Variants in BRINP3 observed in about 807,000 individuals in gnomAD.
BRINP3 encodes the protein BMP/retinoic acid-inducible neural-specific protein 3.
In BRINP3, 19 loss-of-function variants were observed where a neutral mutation model predicts 71.0. The ratio of observed to expected loss-of-function variants is 0.27; its 90% CI spans 0.19 to 0.39. The LOEUF (loss-of-function observed/expected upper bound fraction) is 0.39. Among genes scored for constraint, BRINP3 ranks in the 10% least tolerant of loss-of-function variants. The pLI is 1.00. For missense variants in BRINP3, 959 were observed against 940.8 expected (o/e 1.02, Z -0.25); for synonymous variants, 380 against 337.7 (o/e 1.13, Z -1.37).
chr1:190,326,966 T>A (rs1387724558), intron 2 of BRINP3, among the ~76,000 whole-genome samples: 2 of 149,846 alleles, frequency 1.3e-5, no homozygotes, highest in Non-Finnish European at 3.0e-5. Context: ...CAACCTTGAA[T>A]GTAAAAGGTC....
In BRINP3 at chr1:190,160,884, A is replaced by T; in HGVS notation, c.968T>A (p.Phe323Tyr). 1 of 1,588,888 alleles carries T rather than the reference A, an allele frequency of 6.3e-7. No individual in the cohort carries two copies. Among genetic ancestry groups the T allele is most frequent in the Non-Finnish European group, 8.6e-7 (1 of 1,167,818 alleles). The change falls in exon 7 of 8, where the codon TTC becomes TAC. Residue 323 changes from phenylalanine to tyrosine, a missense_variant. Physicochemically the swap from Phe to Tyr is conservative, Grantham distance 22. Transcript: ENST00000367462. ...YNSDFEESDE[F>Y]KLFMKRLPMN... ...AGGTAGCCTTTTCATAAATAACTTG[A>T]ATTCATCTGAAAAATGTCAAAATTC...
chr1:190,421,291 C>CATTATT (rs78369563), intron 2 of BRINP3, among the ~76,000 whole-genome samples: 34,319 of 131,792 alleles, frequency 0.26, 4,299 homozygotes, highest in East Asian at 0.38. Context: ...ACAAGATTCT[C>CATTATT]ATTATTATTA....
At chr1:190,189,587 T>G (rs2102567024) in intron 6 of BRINP3, among the ~76,000 whole-genome samples, 1 of 152,254 alleles carries the variant, frequency 6.6e-6, no homozygotes, top group East Asian at 1.9e-4. Flanking sequence ...TTTTTCAGTT[T>G]CAACATTTAT....
intron 6 of BRINP3, among the ~76,000 whole-genome samples, chr1:190,184,031 T>C (rs1275158299): frequency 6.6e-6 from 1 of 152,092 alleles, no homozygotes; most frequent in Non-Finnish European, 1.5e-5. Flanking sequence ...TTCTGGAGCA[T>C]GTACCATATA....
chr1:190,143,295 G>A (rs917312554), intron 7 of BRINP3, among the ~76,000 whole-genome samples: 1 of 152,034 alleles, frequency 6.6e-6, no homozygotes, highest in African/African-American at 2.4e-5. Flanking sequence ...ACTTCAGTTT[G>A]GTTAGGCCAA....
At chr1:190,341,967 A>C (rs1441969276) in intron 2 of BRINP3, among the ~76,000 whole-genome samples, 1 of 151,684 alleles carries the variant, frequency 6.6e-6, no homozygotes, top group East Asian at 2.0e-4. Flanking sequence ...AAGTGTCAGC[A>C]GGACTGAGTT....
At chr1:190,465,863 A>T (rs2102684615) in intron 1 of BRINP3, among the ~76,000 whole-genome samples, 1 of 152,030 alleles carries the variant, frequency 6.6e-6, no homozygotes, top group East Asian at 1.9e-4. Context: ...CCAAAACAGT[A>T]AAACAGAAGA....
At chr1:190,194,582 A>G (rs1654317623) in intron 6 of BRINP3, among the ~76,000 whole-genome samples, 2 of 152,126 alleles carry the variant, frequency 1.3e-5, no homozygotes, top group Non-Finnish European at 2.9e-5. Context: ...CAAAACGAAA[A>G]GCAGTAGTGA....
chr1:190,396,006 G>A (rs1671543553), intron 2 of BRINP3, among the ~76,000 whole-genome samples: 1 of 151,790 alleles, frequency 6.6e-6, no homozygotes, highest in Admixed American at 6.6e-5. Flanking sequence ...AGGAAGGAAG[G>A]AAGGAGGGAA....
At chr1:190,239,318 C>T (rs1658830018) in intron 4 of BRINP3, among the ~76,000 whole-genome samples, 1 of 151,948 alleles carries the variant, frequency 6.6e-6, no homozygotes, top group African/African-American at 2.4e-5. Flanking sequence ...GTATTCTGTC[C>T]ACAGAATACT....
intron 2 of BRINP3, among the ~76,000 whole-genome samples, chr1:190,406,554 C>A (rs1672296346): frequency 6.6e-6 from 1 of 152,074 alleles, no homozygotes; most frequent in Non-Finnish European, 1.5e-5. Context: ...CTTGATACAG[C>A]TTTTAGATGA....
Position 190,264,991 on chromosome 1 carries a change from A to G in BRINP3, c.492T>C (p.Asp164=), listed in dbSNP as rs756867562. 2 of 1,611,910 alleles carry G rather than the reference A, an allele frequency of 1.2e-6. No individual in the cohort carries two copies. Among genetic ancestry groups the G allele is most frequent in the Admixed American group, 1.7e-5 (1 of 59,524 alleles). ...RKLSKRAEGS[D]STTNSSSVTL... is the part of the protein sequence containing the mutation. Reference sequence around the variant, plus strand: ...TGACCGAAGAGCTATTGGTGGTGGAATCACTTCCTTCAGCTCGTTTGCTCA... The same window carrying G: ...TGACCGAAGAGCTATTGGTGGTGGAGTCACTTCCTTCAGCTCGTTTGCTCA... The change falls in exon 4 of 8, where the codon GAT becomes GAC. Residue 164 remains aspartate, a synonymous_variant. Transcript: ENST00000367462.
intron 7 of BRINP3, among the ~76,000 whole-genome samples, chr1:190,111,152 G>A (rs907897759): frequency 2.2e-5 from 3 of 139,468 alleles, no homozygotes; most frequent in East Asian, 2.1e-4. Flanking sequence ...CACTCCAGCC[G>A]GGAGCCTGGG....
At chr1:190,132,576 C>T (rs1442547908) in intron 7 of BRINP3, among the ~76,000 whole-genome samples, 2 of 151,928 alleles carry the variant, frequency 1.3e-5, no homozygotes, top group Admixed American at 6.6e-5. Flanking sequence ...ATGTTTAGCA[C>T]AAGGTTGACA....
intron 7 of BRINP3, among the ~76,000 whole-genome samples, chr1:190,132,464 G>A (rs1557994715): frequency 2.0e-5 from 3 of 151,950 alleles, no homozygotes; most frequent in Non-Finnish European, 4.4e-5. Flanking sequence ...TTATCAAATT[G>A]CATTTTAAGC....
At chr1:190,313,482 A>T (rs1264431802) in intron 2 of BRINP3, among the ~76,000 whole-genome samples, 1 of 152,032 alleles carries the variant, frequency 6.6e-6, no homozygotes. Flanking sequence ...AAGCCTCCCT[A>T]AGTATAGAGT....
chr1:190,114,362 T>G, intron 7 of BRINP3, among the ~76,000 whole-genome samples: 1 of 152,068 alleles, frequency 6.6e-6, no homozygotes, highest in East Asian at 1.9e-4. Flanking sequence ...TCTCAGGTAT[T>G]TATAATAATG....
At position 190,437,603 on chromosome 1, in the gene BRINP3, C is replaced by T. The variant is rs144606557; in HGVS notation, c.236+17052G>A. On this transcript the variant is annotated intron_variant, in intron 2 of 7. Coordinates refer to ENST00000367462, the MANE Select transcript of BRINP3 (RefSeq NM_199051.3). ...AGTCTCTGTTATGGTAATACACTCA[C>T]GTGCAGTGGTAAGAATAAAATCAGC... Among the ~76,000 whole-genome samples the T allele has an allele frequency of 3.7e-3, 564 of 151,862 alleles. 5 individuals carry two copies. Among genetic ancestry groups the T allele is most frequent in the African/African-American group, 0.013 (539 of 41,524 alleles).
intron 2 of BRINP3, among the ~76,000 whole-genome samples, chr1:190,286,387 A>G (rs1480536016): frequency 6.6e-6 from 1 of 152,178 alleles, no homozygotes; most frequent in Non-Finnish European, 1.5e-5. Context: ...TTAAATATAT[A>G]CAAATACACA....
Sources: allele counts gnomAD v4.1 joint callset (sites outside exome capture counted in the v4.1 genomes callset), GRCh38; gene constraint gnomAD v4.1.1; transcripts MANE v1.5; gene names NCBI Gene and HGNC (gene_info 2026-07-23, HGNC 2026-07-21).